Variants in BLTP3B observed in about 807,000 individuals in gnomAD.
BLTP3B encodes the protein bridge-like lipid transfer protein family member 3B, also known as UHRF1 (ICBP90) binding protein 1-like.
the BLTP3B span, among the ~76,000 whole-genome samples, chr12:100,103,461 CTT>C: frequency 8.6e-5 from 13 of 151,594 alleles, no homozygotes; most frequent in Non-Finnish European, 1.6e-4. Flanking sequence ...CTGAAACTGT[CTT>C]GTTTTATTCA....
the BLTP3B span, among the ~76,000 whole-genome samples, chr12:100,110,413 T>G: frequency 6.6e-6 from 1 of 152,172 alleles, no homozygotes; most frequent in African/African-American, 2.4e-5. Context: ...CGCTTTCTCA[T>G]AGAATGCCAT....
the BLTP3B span, among the ~76,000 whole-genome samples, chr12:100,064,585 G>A: frequency 6.6e-6 from 1 of 152,096 alleles, no homozygotes; most frequent in Non-Finnish European, 1.5e-5. Flanking sequence ...TTAATAGCAG[G>A]TTTCTCAGCA....
At chr12:100,087,160 A>AAAAG in the BLTP3B span, among the ~76,000 whole-genome samples, 2 of 130,022 alleles carry the variant, frequency 1.5e-5, no homozygotes, top group Admixed American at 7.3e-5. Context: ...CTCCATCTCA[A>AAAAG]AAAAAAAAAA....
the BLTP3B span, chr12:100,051,153 G>T: frequency 1.2e-6 from 2 of 1,613,978 alleles, no homozygotes; most frequent in Admixed American, 1.7e-5. Flanking sequence ...CCATAATTCT[G>T]TAGGTTTGCA....
the BLTP3B span, among the ~76,000 whole-genome samples, chr12:100,107,289 C>CAAAAAAAA: frequency 5.7e-5 from 2 of 35,310 alleles, no homozygotes; most frequent in Non-Finnish European, 9.6e-5. Context: ...CTCCATCTCC[C>CAAAAAAAA]AAAAAAAAAA....
the BLTP3B span, chr12:100,070,215 C>CA: frequency 5.2e-6 from 8 of 1,537,688 alleles, no homozygotes; most frequent in East Asian, 9.5e-5. Flanking sequence ...CAAAACAAAA[C>CA]AAAAAACCAC....
chr12:100,124,953 TATATATATATATATATATATA>T, the BLTP3B span, among the ~76,000 whole-genome samples: 6 of 83,358 alleles, frequency 7.2e-5, no homozygotes, highest in African/African-American at 3.3e-4. Context: ...TATATATATA[TATATATATATATATATATATA>T]TATATTTATA....
chr12:100,110,679 G>C, the BLTP3B span, among the ~76,000 whole-genome samples: 2 of 152,016 alleles, frequency 1.3e-5, no homozygotes, highest in Non-Finnish European at 2.9e-5. Context: ...TTTTGAGCTG[G>C]TATCTAAAGG....
chr12:100,096,201 C>G, the BLTP3B span, among the ~76,000 whole-genome samples: 1 of 151,296 alleles, frequency 6.6e-6, no homozygotes, highest in African/African-American at 2.4e-5. Flanking sequence ...TTGCAGTGAG[C>G]AGAGATAGTG....
the BLTP3B span, among the ~76,000 whole-genome samples, chr12:100,138,250 T>C: frequency 1.3e-5 from 2 of 152,256 alleles, no homozygotes; most frequent in African/African-American, 4.8e-5. Context: ...AGCTGGTTCC[T>C]GTTCTTTCCT....
At chr12:100,139,068 T>A in the BLTP3B span, among the ~76,000 whole-genome samples, 1 of 152,216 alleles carries the variant, frequency 6.6e-6, no homozygotes, top group Admixed American at 6.5e-5. Context: ...AAGCTTTTCC[T>A]GTTTCACTCT....
At chr12:100,107,286 TCC>T in the BLTP3B span, among the ~76,000 whole-genome samples, 1 of 52,152 alleles carries the variant, frequency 1.9e-5, no homozygotes, top group South Asian at 6.6e-4. Context: ...AGACTCCATC[TCC>T]CAAAAAAAAA....
At chr12:100,088,359 C>T in the BLTP3B span, among the ~76,000 whole-genome samples, 1 of 152,196 alleles carries the variant, frequency 6.6e-6, no homozygotes, top group African/African-American at 2.4e-5. Flanking sequence ...ACTACATCTA[C>T]TAAATAAGGA....
the BLTP3B span, chr12:100,037,122 CAAT>C: frequency 2.2e-6 from 2 of 896,920 alleles, no homozygotes; most frequent in Admixed American, 6.2e-5. Context: ...GGACTTTTTA[CAAT>C]AATTAAATAA....
At chr12:100,101,637 A>AT in the BLTP3B span, among the ~76,000 whole-genome samples, 1 of 152,218 alleles carries the variant, frequency 6.6e-6, no homozygotes, top group African/African-American at 2.4e-5. Flanking sequence ...ATTTTTAAAA[A>AT]TTTAATAACT....
the BLTP3B span, among the ~76,000 whole-genome samples, chr12:100,091,332 C>T: frequency 1.3e-4 from 19 of 150,402 alleles, no homozygotes; most frequent in South Asian, 6.4e-4. Context: ...GGGACTACAG[C>T]GCCCGCCACC....
chr12:100,069,951 G>GGTTTTTGTAT, the BLTP3B span: 6 of 1,180,090 alleles, frequency 5.1e-6, no homozygotes, highest in Non-Finnish European at 6.3e-6. Context: ...AACAATTATG[G>GGTTTTTGTAT]GGGCATGGCT....
chr12:100,091,533 C>T, the BLTP3B span, among the ~76,000 whole-genome samples: 5 of 151,386 alleles, frequency 3.3e-5, no homozygotes, highest in Non-Finnish European at 5.9e-5. Flanking sequence ...GATGGAGTCT[C>T]GCTCTGTTGC....
the BLTP3B span, among the ~76,000 whole-genome samples, chr12:100,064,422 C>A: frequency 6.6e-6 from 1 of 152,242 alleles, no homozygotes; most frequent in Admixed American, 6.5e-5. Context: ...CATCCAAACA[C>A]AAGAAGCACA....
Sources: gnomAD v4.1 joint callset for allele counts (sites outside exome capture counted in the v4.1 genomes callset) on GRCh38, gnomAD v4.1.1 for gene constraint, MANE v1.5 for transcripts, NCBI Gene and HGNC (gene_info 2026-07-23, HGNC 2026-07-21) for gene names.